The following CTNND2 variants were observed in gnomAD, a reference collection of about 807,000 sequenced individuals.
The protein encoded by CTNND2 is catenin delta-2.
Under a neutral mutation model 144.4 loss-of-function variants are expected in CTNND2, and 22 were observed. The ratio of observed to expected loss-of-function variants is 0.15; its 90% CI spans 0.11 to 0.22. CTNND2 has a LOEUF of 0.22. Ranked by LOEUF, CTNND2 falls within the 10% of genes least tolerant of loss-of-function variation. The pLI, the probability that CTNND2 is intolerant of heterozygous loss-of-function variation, is 1.00. For synonymous variants in CTNND2, 751 were observed against 695.6 expected, an observed-to-expected ratio of 1.08 and a Z score of -1.25; for missense variants, 1,353 against 1,618.8, an observed-to-expected ratio of 0.84 and a Z score of 2.82.
chr5:11,498,750 G>T (rs1478052521), intron 3 of CTNND2, among the ~76,000 whole-genome samples: 1 of 152,070 alleles, frequency 6.6e-6, no homozygotes, highest in Non-Finnish European at 1.5e-5. Context: ...ATTCTTAAGG[G>T]TTTTTTTCCT....
intron 8 of CTNND2, among the ~76,000 whole-genome samples, chr5:11,347,391 G>A (rs1230995946): frequency 6.6e-6 from 1 of 152,172 alleles, no homozygotes; most frequent in Non-Finnish European, 1.5e-5. Context: ...AAATTGTTTT[G>A]AGAAGATTTT....
intron 10 of CTNND2, among the ~76,000 whole-genome samples, chr5:11,212,648 A>C (rs1738754591): frequency 6.6e-6 from 1 of 152,268 alleles, no homozygotes; most frequent in Non-Finnish European, 1.5e-5. Context: ...TACAGAATGT[A>C]AGAGCGTGGC....
At chr5:11,590,484 C>T (rs1280542992) in intron 2 of CTNND2, among the ~76,000 whole-genome samples, 1 of 152,168 alleles carries the variant, frequency 6.6e-6, no homozygotes, top group African/African-American at 2.4e-5. Flanking sequence ...CTAAGCTGGC[C>T]GCACCATGGT....
intron 9 of CTNND2, among the ~76,000 whole-genome samples, chr5:11,252,000 C>A (rs1743706582): frequency 6.6e-6 from 1 of 152,112 alleles, no homozygotes; most frequent in Non-Finnish European, 1.5e-5. Flanking sequence ...ATTGCTTTAT[C>A]TTTTTTTACA....
chr5:11,622,867 AAAC>A (rs1780924349), intron 2 of CTNND2, among the ~76,000 whole-genome samples: 1 of 152,206 alleles, frequency 6.6e-6, no homozygotes. Flanking sequence ...AGAATGATTA[AAAC>A]AACTGTTTTA....
intron 3 of CTNND2, among the ~76,000 whole-genome samples, chr5:11,477,569 A>T (rs766115096): frequency 6.6e-6 from 1 of 151,830 alleles, no homozygotes; most frequent in Non-Finnish European, 1.5e-5. Flanking sequence ...ACACCACAAC[A>T]CCTGGCTAAT....
At chr5:11,365,393 T>C (rs577366595) in intron 7 of CTNND2, among the ~76,000 whole-genome samples, 1 of 152,218 alleles carries the variant, frequency 6.6e-6, no homozygotes, top group Non-Finnish European at 1.5e-5. Flanking sequence ...GCAAAATGTT[T>C]GAACTTACAA....
intron 9 of CTNND2, among the ~76,000 whole-genome samples, chr5:11,285,831 T>G (rs919966708): frequency 7.9e-5 from 12 of 152,156 alleles, no homozygotes; most frequent in Admixed American, 3.9e-4. Context: ...AGCCAGGGGG[T>G]TTATTTCCAG....
intron 9 of CTNND2, among the ~76,000 whole-genome samples, chr5:11,339,640 G>A (rs1234901721): frequency 6.6e-6 from 1 of 152,176 alleles, no homozygotes; most frequent in Non-Finnish European, 1.5e-5. Context: ...TCACAAATGT[G>A]ATGCATTAGG....
intron 1 of CTNND2, among the ~76,000 whole-genome samples, chr5:11,899,009 T>C (rs1404683626): frequency 3.3e-5 from 5 of 152,202 alleles, no homozygotes; most frequent in African/African-American, 9.6e-5. Context: ...AGCTGGGCAC[T>C]TTTTTGTCTT....
chr5:11,459,836 A>G (rs991284250), intron 3 of CTNND2, among the ~76,000 whole-genome samples: 1 of 152,170 alleles, frequency 6.6e-6, no homozygotes, highest in African/African-American at 2.4e-5. Context: ...ATTTAGGTCA[A>G]TGTCAAGTTG....
intron 9 of CTNND2, among the ~76,000 whole-genome samples, chr5:11,332,034 G>A (rs1753194831): frequency 6.6e-6 from 1 of 152,026 alleles, no homozygotes; most frequent in African/African-American, 2.4e-5. Flanking sequence ...CCAGCACTTT[G>A]GGAGGCTGAG....
At chr5:10,992,819 T>C (rs1738850783) in intron 18 of CTNND2, 142 bp from the exon 19 acceptor site, 3 of 1,169,136 alleles carry the variant, frequency 2.6e-6, no homozygotes, top group East Asian at 2.4e-5. Flanking sequence ...TGCGCTCTCA[T>C]GGAGGTGAAC....
intron 11 of CTNND2, among the ~76,000 whole-genome samples, chr5:11,173,649 A>G (rs1257841919): frequency 6.6e-6 from 1 of 152,058 alleles, no homozygotes; most frequent in Non-Finnish European, 1.5e-5. Flanking sequence ...ATAATGTTTC[A>G]TTCCTTCTTG....
At chr5:11,678,777 T>A (rs947509481) in intron 2 of CTNND2, among the ~76,000 whole-genome samples, 1 of 152,064 alleles carries the variant, frequency 6.6e-6, no homozygotes, top group African/African-American at 2.4e-5. Flanking sequence ...TACAGATAAG[T>A]TTAAGGAAAA....
chr5:11,360,577 T>A (rs1382498924), intron 8 of CTNND2, among the ~76,000 whole-genome samples: 3 of 152,132 alleles, frequency 2.0e-5, no homozygotes, highest in Admixed American at 2.0e-4. Context: ...TTGGTGTGAT[T>A]CCATCCAAAT....
intron 3 of CTNND2, among the ~76,000 whole-genome samples, chr5:11,420,500 C>T (rs1443344168): frequency 6.6e-6 from 1 of 152,080 alleles, no homozygotes; most frequent in Non-Finnish European, 1.5e-5. Context: ...AATAAAATGC[C>T]CTTAGCCTCA....
At chr5:11,619,253 C>A (rs1780721786) in intron 2 of CTNND2, among the ~76,000 whole-genome samples, 1 of 152,014 alleles carries the variant, frequency 6.6e-6, no homozygotes. Flanking sequence ...ACTAAAAATA[C>A]AAAAAGTAGC....
chr5:11,383,171 C>A (rs1040408643), intron 7 of CTNND2, among the ~76,000 whole-genome samples: 2 of 152,052 alleles, frequency 1.3e-5, no homozygotes, highest in Non-Finnish European at 2.9e-5. Flanking sequence ...TGATTTCTTT[C>A]ATGAGGTAAG....
Sources: gnomAD v4.1 joint callset for allele counts (sites outside exome capture counted in the v4.1 genomes callset) on GRCh38, gnomAD v4.1.1 for gene constraint, MANE v1.5 for transcripts, NCBI Gene and HGNC (gene_info 2026-07-23, HGNC 2026-07-21) for gene names.